The following CUX1 variants were observed in gnomAD, a reference collection of about 807,000 sequenced individuals.
CUX1 encodes the protein protein CASP.
CUX1 carries 31 observed loss-of-function variants against 158.8 expected under a neutral mutation model. That is an observed-to-expected ratio of 0.20 (90% CI 0.15 to 0.26). The LOEUF is 0.26. Ranked by LOEUF, CUX1 falls within the 10% of genes least tolerant of loss-of-function variation. CUX1 has a pLI of 1.00. For synonymous variants in CUX1, 879 were observed against 862.1 expected, an observed-to-expected ratio of 1.02 and a Z score of -0.34; for missense variants, 1,589 against 2,014.6, an observed-to-expected ratio of 0.79 and a Z score of 4.04.
At chr7:102,194,096 C>A (rs991315789) in intron 13 of CUX1, 16 of 630,412 alleles carry the variant, frequency 2.5e-5, no homozygotes, top group Non-Finnish European at 5.6e-6. Context: ...AAGGCATGAA[C>A]CAGGCATAGA....
At chr7:102,017,016 A>T (rs1045674874) in intron 2 of CUX1, among the ~76,000 whole-genome samples, 7 of 152,092 alleles carry the variant, frequency 4.6e-5, no homozygotes, top group South Asian at 2.1e-4. Context: ...ATAAAACGTT[A>T]GCTTGGGCTG....
At chr7:101,922,821 G>A (rs1331164134) in intron 2 of CUX1, among the ~76,000 whole-genome samples, 2 of 152,226 alleles carry the variant, frequency 1.3e-5, no homozygotes, top group African/African-American at 2.4e-5. Flanking sequence ...GGGGCTCCAC[G>A]GGCTGGCAGC....
At chr7:102,090,896 G>A (rs782208401) in intron 4 of CUX1, among the ~76,000 whole-genome samples, 1 of 152,114 alleles carries the variant, frequency 6.6e-6, no homozygotes, top group Non-Finnish European at 1.5e-5. Context: ...CAGTTAGTAT[G>A]CCCAATTTAT....
chr7:101,924,562 CTT>C (rs777090455), intron 2 of CUX1, among the ~76,000 whole-genome samples: 5 of 141,148 alleles, frequency 3.5e-5, no homozygotes, highest in Admixed American at 7.1e-5. Context: ...TACTTTTTTC[CTT>C]TTTTTTTTTT....
intron 2 of CUX1, among the ~76,000 whole-genome samples, chr7:102,019,576 C>G (rs1023051870): frequency 6.6e-6 from 1 of 152,076 alleles, no homozygotes; most frequent in East Asian, 1.9e-4. Flanking sequence ...ACTCAGGGGT[C>G]CCCACCTGCA....
intron 20 of CUX1, among the ~76,000 whole-genome samples, chr7:102,224,141 T>G (rs1747374781): frequency 6.6e-6 from 1 of 152,238 alleles, no homozygotes; most frequent in Non-Finnish European, 1.5e-5. Context: ...CATGCAGATG[T>G]CTGTTGGCGA....
In CUX1 at chr7:101,893,158, C is replaced by CTTTTTTTTTTTTT. The variant is rs10589615; in HGVS notation, c.31-22942_31-22930dup. Among the ~76,000 whole-genome samples, 3 of 64,954 alleles carry CTTTTTTTTTTTTT rather than the reference C, an allele frequency of 4.6e-5. 1 individual carries two copies. Among genetic ancestry groups the CTTTTTTTTTTTTT allele is most frequent in the Non-Finnish European group, 8.2e-5 (3 of 36,624 alleles). 42.6% of individuals were successfully genotyped at this position (64,954 alleles called of 152,430 possible). A position where few individuals can be genotyped will look rare whatever the true frequency, so the allele number is the denominator to read the frequency against. On this transcript the variant is annotated intron_variant, in intron 1 of 23. Coordinates refer to ENST00000292535, the MANE Select transcript of CUX1 (RefSeq NM_181552.4). Reference sequence around the variant, plus strand: ...TTCTTTTTACTTTTTATTTTTATTACTTTTTTTTTTTTTTTTTTTTTTTTT... The same window carrying CTTTTTTTTTTTTT: ...TTCTTTTTACTTTTTATTTTTATTACTTTTTTTTTTTTTTTTTTTTTTTTTTTTTTTTTTTTTT...
Position 102,159,919 on chromosome 7 carries a change from G to A in CUX1, c.723+1311G>A, listed in dbSNP as rs186962163. Reference sequence around the variant, plus strand: ...CCTTGGGCTGGGTGTAGTGGCTCACGCCTGTAATCCCAGCACCTGGGGAGG... The same window carrying A: ...CCTTGGGCTGGGTGTAGTGGCTCACACCTGTAATCCCAGCACCTGGGGAGG... On this transcript the variant is annotated intron_variant, in intron 9 of 23. Transcript: ENST00000292535. Among the ~76,000 whole-genome samples, 271 of 152,038 alleles carry A rather than the reference G, an allele frequency of 1.8e-3. 2 individuals are homozygous for A. The highest frequency in any genetic ancestry group is 5.9e-3 in the African/African-American group (246 of 41,482).
At chr7:101,969,359 C>CAAAAAAAAAAAAAAAA (rs10711703) in intron 2 of CUX1, among the ~76,000 whole-genome samples, 10 of 56,100 alleles carry the variant, frequency 1.8e-4, no homozygotes, top group East Asian at 7.0e-4. Flanking sequence ...CAAAAAACAG[C>CAAAAAAAAAAAAAAAA]AAAAAAAAAA....
chr7:102,150,635 C>T (rs782328217), intron 8 of CUX1, among the ~76,000 whole-genome samples: 3 of 152,322 alleles, frequency 2.0e-5, no homozygotes, highest in East Asian at 1.9e-4. Flanking sequence ...CCCGATGCCA[C>T]GCGTTAGCCC....
At chr7:102,025,289 C>T (rs535820900) in intron 2 of CUX1, among the ~76,000 whole-genome samples, 117 of 152,208 alleles carry the variant, frequency 7.7e-4, no homozygotes, top group African/African-American at 2.6e-3. Context: ...TTATCTCTGG[C>T]GGACTATTAT....
intron 4 of CUX1, among the ~76,000 whole-genome samples, chr7:102,096,780 A>C (rs180833871): frequency 4.6e-5 from 7 of 152,212 alleles, no homozygotes; most frequent in Non-Finnish European, 7.3e-5. Context: ...ATGCCAACCA[A>C]CTAGCTGGGT....
rs1299911064 is a variant in CUX1 at position 102,051,654 on chromosome 7, C to CAAAAAAAAAAAAAAAA, written c.190-18670_190-18669insAAAAAAAAAAAAAAAA. Among the ~76,000 whole-genome samples the CAAAAAAAAAAAAAAAA allele has an allele frequency of 1.5e-3, 138 of 89,694 alleles. 3 individuals carry two copies. The highest frequency in any genetic ancestry group is 6.2e-3 in the Middle Eastern group (1 of 162). The allele number at this position is 89,694 out of a possible 152,430, so 58.8% of individuals were successfully genotyped here. On this transcript the variant is annotated intron_variant, in intron 3 of 23. Transcript: ENST00000292535. ...TGGGTGACAGAGCGAGACTCTGTCT[C>CAAAAAAAAAAAAAAAA]AAAAAAAAAAAAAAAGGAACACAGT...
chr7:101,816,872 C>G (rs1791874627), upstream of CUX1: 2 of 975,342 alleles, frequency 2.1e-6, no homozygotes, highest in Non-Finnish European at 2.4e-6. Context: ...TGTCACCGGC[C>G]CGGGCCGCGC....
chr7:101,829,847 C>A (rs79267537), intron 1 of CUX1, among the ~76,000 whole-genome samples: 3 of 152,198 alleles, frequency 2.0e-5, no homozygotes, highest in African/African-American at 7.2e-5. Flanking sequence ...AGTTGGGGTA[C>A]GGTTGTGGCT....
intron 1 of CUX1, among the ~76,000 whole-genome samples, chr7:101,838,282 A>C (rs1008246713): frequency 2.0e-5 from 3 of 151,560 alleles, no homozygotes; most frequent in Non-Finnish European, 2.9e-5. Flanking sequence ...GGCGCCTGCC[A>C]CCATGCCCGG....
intron 3 of CUX1, among the ~76,000 whole-genome samples, chr7:102,038,071 A>G (rs1300586280): frequency 2.0e-5 from 3 of 151,262 alleles, no homozygotes; most frequent in Non-Finnish European, 2.9e-5. Flanking sequence ...AAGCAGAAAG[A>G]TAAGGCCAGT....
chr7:101,920,328 T>C (rs756445050), intron 2 of CUX1, among the ~76,000 whole-genome samples: 3 of 152,134 alleles, frequency 2.0e-5, no homozygotes, highest in Non-Finnish European at 4.4e-5. Context: ...TTCACCATGT[T>C]GCCCAGGCTG....
intron 2 of CUX1, among the ~76,000 whole-genome samples, chr7:101,947,414 C>A (rs1296532469): frequency 3.9e-5 from 6 of 152,108 alleles, no homozygotes; most frequent in African/African-American, 1.4e-4. Context: ...ACCGAAAAAA[C>A]CACCTCACTA....
Sources: allele counts gnomAD v4.1 joint callset (sites outside exome capture counted in the v4.1 genomes callset), GRCh38; gene constraint gnomAD v4.1.1; transcripts MANE v1.5; gene names NCBI Gene and HGNC (gene_info 2026-07-23, HGNC 2026-07-21).